DGKI: variants seen among roughly 807,000 people sequenced by gnomAD.
DGKI encodes the protein DAG kinase iota.
DGKI carries 55 observed loss-of-function variants against 147.5 expected under a neutral mutation model. That is an observed-to-expected ratio of 0.37 (90% confidence interval 0.30 to 0.47). The LOEUF (loss-of-function observed/expected upper bound fraction) is 0.47. DGKI is among the 20% of genes least tolerant of loss of function. The pLI, the probability that DGKI is intolerant of heterozygous loss-of-function variation, is 1.00. For missense variants in DGKI, 1,007 were observed against 1,323.8 expected, an observed-to-expected ratio of 0.76 and a Z score of 3.71; for synonymous variants, 469 against 477.1, an observed-to-expected ratio of 0.98 and a Z score of 0.22.
intron 1 of DGKI, among the ~76,000 whole-genome samples, chr7:137,784,536 A>C (rs1015259601): frequency 2.0e-5 from 3 of 152,170 alleles, no homozygotes; most frequent in Non-Finnish European, 4.4e-5. Context: ...GGGGACTTTA[A>C]TACTCCACTG....
intron 6 of DGKI, among the ~76,000 whole-genome samples, chr7:137,635,169 G>C (rs1821266378): frequency 6.6e-6 from 1 of 152,200 alleles, no homozygotes; most frequent in African/African-American, 2.4e-5. Context: ...TTGATGGATG[G>C]TGCAATGGGC....
chr7:137,542,826 C>G (rs765196418), intron 20 of DGKI, among the ~76,000 whole-genome samples: 2 of 152,164 alleles, frequency 1.3e-5, no homozygotes, highest in Non-Finnish European at 2.9e-5. Flanking sequence ...GGAAGAACAA[C>G]CAGAACCTCT....
At chr7:137,409,441 G>A (rs1812080563) in intron 29 of DGKI, among the ~76,000 whole-genome samples, 2 of 152,128 alleles carry the variant, frequency 1.3e-5, no homozygotes, top group South Asian at 4.1e-4. Flanking sequence ...AAAGGTCTCA[G>A]AGAAGCACTA....
chr7:137,436,827 AT>A (rs1813302758), intron 28 of DGKI, among the ~76,000 whole-genome samples: 1 of 150,480 alleles, frequency 6.6e-6, no homozygotes, highest in South Asian at 2.1e-4. Context: ...CTTCTCATAA[AT>A]ACGATATTGA....
chr7:137,389,189 T>A lies in DGKI; in HGVS notation c.*2031A>T, dbSNP rs1384144224. 6.6e-6 allele frequency: 1 copy of A among 152,178 alleles called. No homozygotes were observed. The highest frequency in any genetic ancestry group is 1.5e-5 in the Non-Finnish European group (1 of 68,020). The allele number at this position is 152,178 out of a possible 1,614,324, so 9.4% of individuals were successfully genotyped here. A position where few individuals can be genotyped will look rare whatever the true frequency, so the allele number is the denominator to read the frequency against. On this transcript the variant is annotated 3_prime_UTR_variant, in exon 33 of 33. Coordinates refer to ENST00000614521, the MANE Select transcript of DGKI (RefSeq NM_001321708.2). ...CCCCAGCAAAAGCCCAGTGATTAAA[T>A]TCTCCTGGAGCATATTTTTCCAGCT... is the stretch of plus-strand genomic sequence containing the variant.
chr7:137,545,121 C>T (rs180945690), intron 20 of DGKI, among the ~76,000 whole-genome samples: 1 of 152,280 alleles, frequency 6.6e-6, no homozygotes, highest in Non-Finnish European at 1.5e-5. Context: ...TACTTAACCT[C>T]TCTGTCTATC....
chr7:137,622,557 A>C (rs1820787369), intron 7 of DGKI, among the ~76,000 whole-genome samples: 1 of 152,234 alleles, frequency 6.6e-6, no homozygotes, highest in Non-Finnish European at 1.5e-5. Context: ...GCAATTACTC[A>C]TCCTTGCCAT....
At chr7:137,663,733 C>T (rs764241406) in intron 3 of DGKI, among the ~76,000 whole-genome samples, 14 of 152,138 alleles carry the variant, frequency 9.2e-5, no homozygotes, top group East Asian at 5.8e-4. Flanking sequence ...AACAGAACTA[C>T]GCCCCAGAAG....
chr7:137,802,370 C>T (rs867215439), intron 1 of DGKI, among the ~76,000 whole-genome samples: 2 of 152,138 alleles, frequency 1.3e-5, no homozygotes, highest in Admixed American at 6.5e-5. Flanking sequence ...CCACCTGTTC[C>T]CCAAAAACTA....
chr7:137,432,419 T>C lies in DGKI; in HGVS notation c.2761+11658A>G, dbSNP rs1396216727. On this transcript the variant is annotated intron_variant, in intron 28 of 32. Transcript: ENST00000614521. ...ATTTATAAAAAAATCTATATGCCCATTTTTTGGCTGTCTGACATTGATGGT... is the reference window on the plus strand; with the variant it reads ...ATTTATAAAAAAATCTATATGCCCACTTTTTGGCTGTCTGACATTGATGGT... Among the ~76,000 whole-genome samples, 6 of 152,196 alleles carry C rather than the reference T, an allele frequency of 3.9e-5. No individual in the cohort carries two copies. In the East Asian group the frequency reaches 9.6e-4, roughly 24 times the overall value.
intron 6 of DGKI, among the ~76,000 whole-genome samples, chr7:137,638,466 G>GTATATATATACACACATATATGTA (rs1366199195): frequency 4.1e-5 from 1 of 24,586 alleles, no homozygotes; most frequent in African/African-American, 9.8e-5. Context: ...ATATATGTGT[G>GTATATATATACACACATATATGTA]TATATATGTG....
intron 1 of DGKI, among the ~76,000 whole-genome samples, chr7:137,747,616 T>C (rs536061842): frequency 3.9e-5 from 6 of 152,338 alleles, no homozygotes; most frequent in Non-Finnish European, 7.4e-5. Context: ...CATTGTGGAA[T>C]GTACTTTTAT....
At chr7:137,450,296 A>G (rs1813902316) in intron 27 of DGKI, among the ~76,000 whole-genome samples, 1 of 152,252 alleles carries the variant, frequency 6.6e-6, no homozygotes, top group South Asian at 2.1e-4. Context: ...TGCTCTCACA[A>G]TAAAATTTAT....
intron 20 of DGKI, among the ~76,000 whole-genome samples, chr7:137,530,513 T>C (rs928181825): frequency 2.0e-5 from 3 of 152,208 alleles, no homozygotes; most frequent in Non-Finnish European, 4.4e-5. Flanking sequence ...GATATGACAA[T>C]GTTGCTCTCC....
chr7:137,798,926 A>G (rs917472200), intron 1 of DGKI, among the ~76,000 whole-genome samples: 4 of 152,182 alleles, frequency 2.6e-5, no homozygotes, highest in African/African-American at 9.7e-5. Context: ...AGACATAGAA[A>G]TAGCATTTTT....
intron 28 of DGKI, among the ~76,000 whole-genome samples, chr7:137,428,215 G>A (rs1043244248): frequency 4.5e-4 from 68 of 150,900 alleles, no homozygotes; most frequent in African/African-American, 1.5e-3. Flanking sequence ...GATCAAGTGG[G>A]CTTCATCCCT....
intron 6 of DGKI, among the ~76,000 whole-genome samples, chr7:137,637,151 C>T: frequency 6.6e-6 from 1 of 152,192 alleles, no homozygotes; most frequent in Non-Finnish European, 1.5e-5. Flanking sequence ...TGGCTAAGGC[C>T]TCTGTTGTGA....
At chr7:137,814,312 G>A (rs1797673760) in intron 1 of DGKI, among the ~76,000 whole-genome samples, 1 of 152,102 alleles carries the variant, frequency 6.6e-6, no homozygotes, top group South Asian at 2.1e-4. Flanking sequence ...GTAAAGAAAT[G>A]CCAAAAAACG....
intron 1 of DGKI, among the ~76,000 whole-genome samples, chr7:137,791,328 C>T (rs933925115): frequency 1.3e-5 from 2 of 152,122 alleles, no homozygotes; most frequent in Non-Finnish European, 2.9e-5. Context: ...CTTAAATGTG[C>T]CTGATTATTT....
Sources: gnomAD v4.1 joint callset for allele counts (sites outside exome capture counted in the v4.1 genomes callset) on GRCh38, gnomAD v4.1.1 for gene constraint, MANE v1.5 for transcripts, NCBI Gene and HGNC (gene_info 2026-07-23, HGNC 2026-07-21) for gene names.